The following ST3GAL5 variants were observed in gnomAD, a reference collection of about 807,000 sequenced individuals.
ST3GAL5 encodes the protein lactosylceramide alpha-2,3-sialyltransferase.
Under a neutral mutation model 46.1 loss-of-function variants are expected in ST3GAL5, and 25 were observed. The observed-to-expected ratio is 0.54, with a 90% CI of 0.40 to 0.76. The LOEUF (loss-of-function observed/expected upper bound fraction) is 0.76, where lower values mean the gene tolerates loss of function less well. Among genes scored for constraint, ST3GAL5 ranks in the 30% least tolerant of loss-of-function variants. The pLI, the probability that ST3GAL5 is intolerant of heterozygous loss-of-function variation, is 0.00. For missense variants in ST3GAL5, 431 were observed against 521.2 expected, an observed-to-expected ratio of 0.83 and a Z score of 1.69; for synonymous variants, 182 against 192.7, an observed-to-expected ratio of 0.94 and a Z score of 0.46.
chr2:85,861,235 A>G lies in ST3GAL5; in HGVS notation c.264T>C (p.Thr88=). The G allele has an allele frequency of 1.2e-6, 2 of 1,613,756 alleles. No homozygotes were observed. Among genetic ancestry groups the G allele is most frequent in the Non-Finnish European group, 1.7e-6 (2 of 1,179,772 alleles). ...WILYILKLNY[T]TEECDMKKMH... ...TTTTTTTCATGTCACATTCTTCAGTAGTATAATTTAACTTGAGGATATAAA... is the reference window on the plus strand; with the variant it reads ...TTTTTTTCATGTCACATTCTTCAGTGGTATAATTTAACTTGAGGATATAAA... The change falls in exon 3 of 7, where the codon ACT becomes ACC. Residue 88 remains threonine, a synonymous_variant. Coordinates refer to ENST00000638572, the MANE Select transcript of ST3GAL5 (RefSeq NM_003896.4).
chr2:85,870,377 G>A (rs1685791636), intron 1 of ST3GAL5: 1 of 407,190 alleles, frequency 2.5e-6, no homozygotes, highest in Non-Finnish European at 5.2e-6. Flanking sequence ...GGCTTTTGTT[G>A]GCAGGCCATC....
intron 3 of ST3GAL5, 45 bp from the exon 4 acceptor site, chr2:85,848,249 A>G (rs376353273): frequency 2.6e-5 from 42 of 1,613,194 alleles, no homozygotes; most frequent in African/African-American, 4.0e-5. Flanking sequence ...ACTCTCCTGC[A>G]TTAAAAATAT....
intron 3 of ST3GAL5, chr2:85,849,696 C>G (rs1375671326): frequency 6.6e-6 from 1 of 152,120 alleles, no homozygotes; most frequent in African/African-American, 2.4e-5. Flanking sequence ...GTCCATTCAC[C>G]CCAGTCTTCC....
intron 1 of ST3GAL5, chr2:85,867,911 A>G (rs1457559736): frequency 1.2e-5 from 6 of 518,834 alleles, no homozygotes; most frequent in Non-Finnish European, 1.4e-5. Flanking sequence ...CCAAGATGGC[A>G]TTGCTTTAGC....
At chr2:85,842,614 T>C (rs2103923721) in intron 6 of ST3GAL5, among the ~76,000 whole-genome samples, 1 of 152,288 alleles carries the variant, frequency 6.6e-6, no homozygotes, top group African/African-American at 2.4e-5. Context: ...TAGGAAAATA[T>C]TCAGTTCAAC....
intron 1 of ST3GAL5, among the ~76,000 whole-genome samples, chr2:85,879,280 G>A (rs1181434151): frequency 1.3e-5 from 2 of 152,192 alleles, no homozygotes; most frequent in Middle Eastern, 3.2e-3. Context: ...CCCAAGCCAG[G>A]AGGGGCTATT....
At chr2:85,855,914 G>A (rs1227452446) in intron 3 of ST3GAL5, 1 of 152,184 alleles carries the variant, frequency 6.6e-6, no homozygotes, top group Admixed American at 6.5e-5. Context: ...CATCTATCAG[G>A]ATGACAGTAG....
chr2:85,870,280 A>T (rs563382564), intron 1 of ST3GAL5: 1 of 468,144 alleles, frequency 2.1e-6, no homozygotes, highest in Admixed American at 2.4e-5. Context: ...AGAGGCATAT[A>T]AAGGGCATCC....
At chr2:85,861,359 G>A in intron 2 of ST3GAL5, 67 bp from the exon 3 acceptor site, 1 of 1,046,988 alleles carries the variant, frequency 9.6e-7, no homozygotes, top group Non-Finnish European at 1.5e-6. Context: ...ATGTGAAACT[G>A]AAAACGGAAT....
intron 2 of ST3GAL5, among the ~76,000 whole-genome samples, chr2:85,861,588 CTT>C (rs1428369583): frequency 2.1e-5 from 3 of 144,700 alleles, no homozygotes. Flanking sequence ...AAGTAATAGA[CTT>C]GAACTACAGA....
intron 2 of ST3GAL5, 121 bp from the exon 3 acceptor site, chr2:85,861,413 T>C (rs1342065798): frequency 2.8e-6 from 2 of 718,068 alleles, no homozygotes; most frequent in Middle Eastern, 2.6e-4. Context: ...CTACAATCTT[T>C]AAGTTGACAT....
chr2:85,870,355 G>A (rs1685790345), intron 1 of ST3GAL5: 1 of 431,778 alleles, frequency 2.3e-6, no homozygotes, highest in South Asian at 1.6e-5. Context: ...GTGGTTATAG[G>A]CCTTCCTCCA....
rs1350285685 is a variant in ST3GAL5, at chr2:85,848,121, C to T, written c.402G>A (p.Glu134=). Residue 134 remains glutamate (E), a synonymous_variant, in exon 4 of 7, where the codon GAG becomes GAA. Coordinates refer to ENST00000638572, the MANE Select transcript of ST3GAL5 (RefSeq NM_003896.4). ...FAKTSMALLF[E]HRYSVDLLPF... ...GGAGTAAGTCCACGCTATACCTGTGCTCAAATAACAGCGCCATTGATGTCT... is the reference window on the plus strand; with the variant it reads ...GGAGTAAGTCCACGCTATACCTGTGTTCAAATAACAGCGCCATTGATGTCT... 4 of 1,614,224 alleles carry T rather than the reference C, an allele frequency of 2.5e-6. No individual in the cohort carries two copies. Among genetic ancestry groups the T allele is most frequent in the East Asian group, 2.2e-5 (1 of 44,888 alleles).
rs112221812 is a variant in ST3GAL5 at position 85,852,243 on chromosome 2, G to C, written c.319-4039C>G. ...TGTGTCTGGCATTAATGAGATGTGG[G>C]AAGGAGCTCAATTCTGCCATGGATC... On this transcript the variant is annotated intron_variant, in intron 3 of 6. Transcript: ENST00000638572. Among the ~76,000 whole-genome samples the C allele has an allele frequency of 4.3e-4, 66 of 152,316 alleles. 2 individuals carry two copies. The highest frequency in any genetic ancestry group is 1.6e-3 in the African/African-American group (65 of 41,572).
At chr2:85,863,560 G>T in intron 1 of ST3GAL5, 75 bp from the exon 2 acceptor site, 1 of 1,540,590 alleles carries the variant, frequency 6.5e-7, no homozygotes, top group South Asian at 1.1e-5. Flanking sequence ...GGTTTTCAAA[G>T]AGCCTTTATA....
intron 1 of ST3GAL5, chr2:85,869,972 C>T (rs1260582796): frequency 1.2e-5 from 4 of 342,812 alleles, no homozygotes; most frequent in African/African-American, 4.3e-5. Context: ...ACATAGCCTC[C>T]GTTCAGTTAA....
At chr2:85,879,515 C>T (rs1686929612) in intron 1 of ST3GAL5, among the ~76,000 whole-genome samples, 1 of 152,178 alleles carries the variant, frequency 6.6e-6, no homozygotes, top group Non-Finnish European at 1.5e-5. Flanking sequence ...CTGCCCCTCC[C>T]CCTGGGGTCC....
chr2:85,877,343 T>C (rs1188973719), intron 1 of ST3GAL5, among the ~76,000 whole-genome samples: 1 of 152,264 alleles, frequency 6.6e-6, no homozygotes, highest in Admixed American at 6.5e-5. Flanking sequence ...TTCACTGTTA[T>C]GTTCCTTTAG....
chr2:85,878,041 A>C (rs1462980564), intron 1 of ST3GAL5, among the ~76,000 whole-genome samples: 1 of 152,188 alleles, frequency 6.6e-6, no homozygotes, highest in Non-Finnish European at 1.5e-5. Context: ...CAGAGAGCTA[A>C]CAGCTGGAGC....
Sources: gnomAD v4.1 joint callset for allele counts (sites outside exome capture counted in the v4.1 genomes callset) on GRCh38, gnomAD v4.1.1 for gene constraint, MANE v1.5 for transcripts, NCBI Gene and HGNC (gene_info 2026-07-23, HGNC 2026-07-21) for gene names.